SLIT2: variants seen among roughly 807,000 people sequenced by gnomAD.
The protein encoded by SLIT2 is slit guidance ligand 2, also known as slit homolog 2 protein.
Under a neutral mutation model 185.7 loss-of-function variants are expected in SLIT2, and 41 were observed. The observed-to-expected ratio is 0.22, with a 90% CI of 0.17 to 0.29. The LOEUF (loss-of-function observed/expected upper bound fraction) is 0.29, where lower values mean the gene tolerates loss of function less well. SLIT2 is among the 10% of genes least tolerant of loss of function. The probability of loss-of-function intolerance (pLI) is 1.00; values close to 1 mark genes in which losing one functional copy is unlikely to be tolerated. For missense variants in SLIT2, 1,571 were observed against 1,909.0 expected (o/e 0.82, Z 3.30); for synonymous variants, 693 against 680.2 (o/e 1.02, Z -0.29).
chr4:20,268,518 A>G (rs1252132678), intron 3 of SLIT2, among the ~76,000 whole-genome samples: 2 of 151,836 alleles, frequency 1.3e-5, no homozygotes, highest in African/African-American at 4.8e-5. Flanking sequence ...CTAAGACTGA[A>G]TCACAAAAAT....
At chr4:20,497,007 A>G (rs1718283476) in intron 9 of SLIT2, among the ~76,000 whole-genome samples, 1 of 152,278 alleles carries the variant, frequency 6.6e-6, no homozygotes, top group Non-Finnish European at 1.5e-5. Context: ...CTAAAAATTC[A>G]TTAAATTTCC....
At chr4:20,502,035 C>G (rs1043513888) in intron 9 of SLIT2, among the ~76,000 whole-genome samples, 6 of 152,098 alleles carry the variant, frequency 3.9e-5, no homozygotes, top group Non-Finnish European at 8.8e-5. Flanking sequence ...AGGTAACATA[C>G]ATGTTATACA....
chr4:20,452,991 C>T (rs986004122), intron 4 of SLIT2, among the ~76,000 whole-genome samples: 8 of 152,216 alleles, frequency 5.3e-5, no homozygotes, highest in Admixed American at 6.5e-5. Context: ...CTTTTACATA[C>T]AGTTCAGAAA....
At chr4:20,258,014 T>G in intron 3 of SLIT2, 75 bp downstream of exon 3, 1 of 749,252 alleles carries the variant, frequency 1.3e-6, no homozygotes, top group East Asian at 2.6e-5. Context: ...AAGCATCATG[T>G]CTTCAATTTC....
At chr4:20,300,864 A>G (rs2109105750) in intron 4 of SLIT2, among the ~76,000 whole-genome samples, 1 of 152,222 alleles carries the variant, frequency 6.6e-6, no homozygotes, top group East Asian at 1.9e-4. Flanking sequence ...TTATGCTATC[A>G]GGAGCCTAAA....
chr4:20,262,925 AC>A (rs1712642958), intron 3 of SLIT2, among the ~76,000 whole-genome samples: 1 of 151,658 alleles, frequency 6.6e-6, no homozygotes, highest in African/African-American at 2.4e-5. Flanking sequence ...CTCTTTGTCG[AC>A]CATTTTATAA....
intron 26 of SLIT2, among the ~76,000 whole-genome samples, chr4:20,561,249 T>G (rs1456536878): frequency 1.3e-5 from 2 of 151,858 alleles, no homozygotes; most frequent in Admixed American, 1.3e-4. Flanking sequence ...ACCTGAAACA[T>G]TGGCATAACC....
At chr4:20,579,125 C>A (rs1158879011) in intron 29 of SLIT2, among the ~76,000 whole-genome samples, 1 of 151,434 alleles carries the variant, frequency 6.6e-6, no homozygotes, top group Non-Finnish European at 1.5e-5. Context: ...GAAACCTTGT[C>A]TCTACTGAAA....
chr4:20,386,066 C>A (rs888204948), intron 4 of SLIT2, among the ~76,000 whole-genome samples: 4 of 152,088 alleles, frequency 2.6e-5, no homozygotes, highest in African/African-American at 4.8e-5. Flanking sequence ...CACCTCCCCC[C>A]ACCAAAAATG....
intron 3 of SLIT2, among the ~76,000 whole-genome samples, chr4:20,262,357 A>C (rs1266602858): frequency 1.3e-5 from 2 of 151,818 alleles, no homozygotes; most frequent in Admixed American, 1.3e-4. Flanking sequence ...CATGAGTTCA[A>C]GTAGAGAATA....
intron 4 of SLIT2, among the ~76,000 whole-genome samples, chr4:20,432,001 C>CTCTG (rs137983627): frequency 6.0e-5 from 9 of 150,836 alleles, no homozygotes; most frequent in African/African-American, 2.2e-4. Flanking sequence ...CTCTCACTCT[C>CTCTG]TGTGTGTGTG....
At chr4:20,434,799 TG>T (rs1471874350) in intron 4 of SLIT2, among the ~76,000 whole-genome samples, 1 of 152,098 alleles carries the variant, frequency 6.6e-6, no homozygotes, top group Non-Finnish European at 1.5e-5. Flanking sequence ...CCAGGGGAAA[TG>T]TGATAAGGCC....
intron 11 of SLIT2, among the ~76,000 whole-genome samples, chr4:20,518,352 A>T (rs1298009611): frequency 3.6e-5 from 5 of 138,270 alleles, no homozygotes; most frequent in African/African-American, 1.3e-4. Flanking sequence ...TCCCTGGTTC[A>T]TGCCATTCTC....
chr4:20,503,822 A>G (rs535334527), intron 9 of SLIT2, among the ~76,000 whole-genome samples: 1 of 152,318 alleles, frequency 6.6e-6, no homozygotes, highest in Admixed American at 6.5e-5. Flanking sequence ...AAATTTAAAA[A>G]TGAGTACTTT....
At chr4:20,288,066 T>G (rs1454385919) in intron 4 of SLIT2, among the ~76,000 whole-genome samples, 2 of 152,224 alleles carry the variant, frequency 1.3e-5, no homozygotes, top group Non-Finnish European at 2.9e-5. Context: ...AGTGTGTTTA[T>G]GTGTGCAAAT....
chr4:20,318,843 C>T (rs958463963), intron 4 of SLIT2, among the ~76,000 whole-genome samples: 12 of 152,160 alleles, frequency 7.9e-5, no homozygotes, highest in African/African-American at 2.9e-4. Context: ...GAACACATTT[C>T]CACTTAGTGT....
At chr4:20,531,092 G>A (rs76059076) in intron 16 of SLIT2, among the ~76,000 whole-genome samples, 2,442 of 151,934 alleles carry the variant, frequency 0.016, 72 homozygotes, top group African/African-American at 0.055. Flanking sequence ...AGTTAATCAC[G>A]ATTTACCATG....
intron 25 of SLIT2, among the ~76,000 whole-genome samples, chr4:20,553,383 A>G (rs1314921296): frequency 2.6e-5 from 4 of 152,204 alleles, no homozygotes; most frequent in African/African-American, 4.8e-5. Flanking sequence ...CCTCTGCAGC[A>G]GGGGTTCTTT....
chr4:20,390,186 C>A (rs1006976497), intron 4 of SLIT2, among the ~76,000 whole-genome samples: 10 of 151,996 alleles, frequency 6.6e-5, no homozygotes, highest in African/African-American at 1.4e-4. Flanking sequence ...CATCAGAATA[C>A]CTTATTCTAA....
Sources: allele counts gnomAD v4.1 joint callset (sites outside exome capture counted in the v4.1 genomes callset), GRCh38; gene constraint gnomAD v4.1.1; transcripts MANE v1.5; gene names NCBI Gene and HGNC (gene_info 2026-07-23, HGNC 2026-07-21).